GRIA2: variants seen among roughly 807,000 people sequenced by gnomAD.
The protein encoded by GRIA2 is glutamate receptor 2.
GRIA2 carries 14 observed loss-of-function variants against 97.3 expected under a neutral mutation model. The observed-to-expected ratio is 0.14, with a 90% CI of 0.10 to 0.23. The LOEUF (loss-of-function observed/expected upper bound fraction) is 0.23, where lower values mean the gene tolerates loss of function less well. Ranked by LOEUF, GRIA2 falls within the 10% of genes least tolerant of loss-of-function variation. The pLI is 1.00. For missense variants in GRIA2, 558 were observed against 1,069.8 expected (o/e 0.52, Z 6.67); for synonymous variants, 412 against 387.8 (o/e 1.06, Z -0.73).
In GRIA2 at chr4:157,361,718, G is replaced by T. The variant is rs1560784370; in HGVS notation, c.2406+594G>T. The T allele has an allele frequency of 9.3e-6, 10 of 1,072,088 alleles. No homozygotes were observed. The highest frequency in any genetic ancestry group is 1.6e-5 in the African/African-American group (1 of 63,944). 66.4% of individuals were successfully genotyped at this position (1,072,088 alleles called of 1,614,324 possible). A position where few individuals can be genotyped will look rare whatever the true frequency, so the allele number is the denominator to read the frequency against. On this transcript the variant is annotated intron_variant, in intron 14 of 15. Transcript: ENST00000264426. This position sits in a 1 kb window ranked among gnomAD's most constrained non-coding sequence, Gnocchi z 5.2. ...CACAAACAGCAAAATCAAACCACAA[G>T]TGTGTTAGTGGGAATGACCCATCTT...
chr4:157,326,535 T>C (rs187183552), intron 6 of GRIA2, among the ~76,000 whole-genome samples: 47 of 152,278 alleles, frequency 3.1e-4, no homozygotes, highest in African/African-American at 1.1e-3. Flanking sequence ...TGGTATCACC[T>C]ATGAGAAGCT....
At chr4:157,356,150 T>A in intron 12 of GRIA2, among the ~76,000 whole-genome samples, 1 of 131,798 alleles carries the variant, frequency 7.6e-6, no homozygotes, top group East Asian at 2.1e-4. Flanking sequence ...TATTTATATT[T>A]ATTTATTTAT....
chr4:157,321,608 T>G lies in GRIA2; in HGVS notation c.882+9T>G. 6.3e-7 allele frequency: 1 copy of G among 1,594,470 alleles called. No homozygotes were observed. Among genetic ancestry groups the G allele is most frequent in the African/African-American group, 1.4e-5 (1 of 73,964 alleles). On this transcript the variant is annotated intron_variant, in intron 6 of 15. Coordinates refer to ENST00000264426, the MANE Select transcript of GRIA2 (RefSeq NM_001083619.3). Reference sequence around the variant, plus strand: ...ACACAACAACAATTAAGGTTTGCTTTGGTTTCTGTCTTTTCTTTTTCTTTC... The same window carrying G: ...ACACAACAACAATTAAGGTTTGCTTGGGTTTCTGTCTTTTCTTTTTCTTTC...
chr4:157,272,379 A>T (rs1732070015), intron 2 of GRIA2, among the ~76,000 whole-genome samples: 1 of 151,992 alleles, frequency 6.6e-6, no homozygotes, highest in South Asian at 2.1e-4. Context: ...AACTGGAGAG[A>T]CACACAGGCA....
intron 5 of GRIA2, 78 bp from the exon 6 acceptor site, chr4:157,321,360 T>C (rs11722093): frequency 0.078 from 76,185 of 978,192 alleles, 3,340 homozygotes; most frequent in Middle Eastern, 0.11. Flanking sequence ...AACCACAATG[T>C]ATAGAGTTAT....
intron 2 of GRIA2, among the ~76,000 whole-genome samples, chr4:157,280,572 G>A (rs547586557): frequency 6.6e-6 from 1 of 152,082 alleles, no homozygotes; most frequent in Non-Finnish European, 1.5e-5. Context: ...TCACTTAGGG[G>A]TCTGCATTCT....
chr4:157,254,931 T>A (rs369684196), intron 2 of GRIA2, among the ~76,000 whole-genome samples: 13 of 152,210 alleles, frequency 8.5e-5, no homozygotes, highest in African/African-American at 3.1e-4. Context: ...CACATAGTTT[T>A]AAAATGTTTG....
intron 2 of GRIA2, among the ~76,000 whole-genome samples, chr4:157,223,127 C>T (rs1025282807): frequency 1.3e-5 from 2 of 152,192 alleles, no homozygotes; most frequent in East Asian, 3.9e-4. Context: ...CAACTGGTTG[C>T]CATCCCTCCT....
At chr4:157,277,902 GTATATATGTA>G (rs1008120649) in intron 2 of GRIA2, among the ~76,000 whole-genome samples, 3 of 137,982 alleles carry the variant, frequency 2.2e-5, no homozygotes, top group South Asian at 2.2e-4. Context: ...ATATATATAT[GTATATATGTA>G]TATATATGTA....
intron 4 of GRIA2, among the ~76,000 whole-genome samples, chr4:157,316,774 C>T (rs1734341240): frequency 1.3e-5 from 2 of 152,178 alleles, no homozygotes; most frequent in Non-Finnish European, 2.9e-5. Flanking sequence ...GAATTTTTGT[C>T]TATAGCCTTA....
At chr4:157,340,294 G>C (rs889259711) in intron 11 of GRIA2, among the ~76,000 whole-genome samples, 1 of 151,826 alleles carries the variant, frequency 6.6e-6, no homozygotes, top group South Asian at 2.1e-4. Flanking sequence ...ACAGAGAAAC[G>C]GTTAGTTTTA....
chr4:157,283,873 A>G (rs1401899726), intron 2 of GRIA2, among the ~76,000 whole-genome samples: 1 of 151,942 alleles, frequency 6.6e-6, no homozygotes, highest in Non-Finnish European at 1.5e-5. Context: ...TGAAAGAGAT[A>G]TTAGATATGA....
chr4:157,237,540 A>G (rs1730309296), intron 2 of GRIA2, among the ~76,000 whole-genome samples: 1 of 152,146 alleles, frequency 6.6e-6, no homozygotes, highest in Non-Finnish European at 1.5e-5. Context: ...TTGGCCTTCC[A>G]AAGTTCTGGG....
chr4:157,255,801 A>T (rs1731214996), intron 2 of GRIA2, among the ~76,000 whole-genome samples: 1 of 151,930 alleles, frequency 6.6e-6, no homozygotes, highest in Non-Finnish European at 1.5e-5. Flanking sequence ...CCAAATAAAC[A>T]ACCATAACAT....
At chr4:157,248,498 C>T (rs886971289) in intron 2 of GRIA2, among the ~76,000 whole-genome samples, 12 of 90,642 alleles carry the variant, frequency 1.3e-4, no homozygotes, top group South Asian at 1.2e-3. Flanking sequence ...ACTCGGGAGG[C>T]GGAGGTTTCA....
At chr4:157,261,613 G>A (rs543772145) in intron 2 of GRIA2, among the ~76,000 whole-genome samples, 9 of 152,244 alleles carry the variant, frequency 5.9e-5, no homozygotes, top group Admixed American at 3.9e-4. Context: ...ACATAAGCCA[G>A]TTTGCTGAAA....
chr4:157,361,700 A>T lies in GRIA2; in HGVS notation c.2406+576A>T, dbSNP rs545881054. On this transcript the variant is annotated intron_variant, in intron 14 of 15. Transcript: ENST00000264426. The surrounding 1 kb of genome is among the most constrained non-coding windows in gnomAD (Gnocchi z 5.2). ...TGAAAAAACAAAATCAAACACAAAC[A>T]GCAAAATCAAACCACAAGTGTGTTA... is the stretch of plus-strand genomic sequence containing the variant. 55 of 1,322,424 alleles carry T rather than the reference A, an allele frequency of 4.2e-5. 1 individual carries two copies. In the South Asian group the frequency reaches 6.4e-4, roughly 15 times the overall value. 81.9% of individuals were successfully genotyped at this position (1,322,424 alleles called of 1,614,324 possible).
At chr4:157,265,965 A>G (rs913787940) in intron 2 of GRIA2, among the ~76,000 whole-genome samples, 1 of 152,128 alleles carries the variant, frequency 6.6e-6, no homozygotes, top group Admixed American at 6.6e-5. Flanking sequence ...AAGGGAAGTC[A>G]TATGTGAATA....
chr4:157,327,100 T>G (rs756828472), intron 6 of GRIA2, among the ~76,000 whole-genome samples: 1 of 152,156 alleles, frequency 6.6e-6, no homozygotes, highest in Non-Finnish European at 1.5e-5. Context: ...TAATCATTCA[T>G]AGGTAATATA....
Sources: gnomAD v4.1 joint callset for allele counts (sites outside exome capture counted in the v4.1 genomes callset) on GRCh38, gnomAD v4.1.1 for gene constraint, Gnocchi (gnomAD v3.1) non-coding constraint, MANE v1.5 for transcripts, NCBI Gene and HGNC (gene_info 2026-07-23, HGNC 2026-07-21) for gene names.